ODF2: variants seen among roughly 807,000 people sequenced by gnomAD.
ODF2 encodes the protein outer dense fiber protein 2.
In ODF2, 47 loss-of-function variants were observed where a neutral mutation model predicts 110.2. That is an observed-to-expected ratio of 0.43 (90% CI 0.34 to 0.54). The LOEUF is 0.54. Ranked by LOEUF, ODF2 falls within the 20% of genes least tolerant of loss-of-function variation. The probability of loss-of-function intolerance (pLI) is 0.03; values close to 1 mark genes in which losing one functional copy is unlikely to be tolerated. For synonymous variants in ODF2, 352 were observed against 397.7 expected, an observed-to-expected ratio of 0.89 and a Z score of 1.37; for missense variants, 812 against 1,054.5, an observed-to-expected ratio of 0.77 and a Z score of 3.19.
At chr9:128,473,167 C>T (rs920820088) in intron 7 of ODF2, 125 bp downstream of exon 7, 9 of 1,482,106 alleles carry the variant, frequency 6.1e-6, no homozygotes, top group Middle Eastern at 4.9e-4. Context: ...GGGGAGAGCA[C>T]GCTTAACTAG....
chr9:128,477,647 C>T (rs1302685331), intron 8 of ODF2, among the ~76,000 whole-genome samples: 1 of 151,436 alleles, frequency 6.6e-6, no homozygotes, highest in Non-Finnish European at 1.5e-5. Flanking sequence ...GCTCTGTCAC[C>T]GAGGCTGGAG....
chr9:128,475,547 C>T (rs879550522), intron 8 of ODF2, among the ~76,000 whole-genome samples: 1 of 152,158 alleles, frequency 6.6e-6, no homozygotes, highest in African/African-American at 2.4e-5. Flanking sequence ...AACAATTTCT[C>T]CTTGTCTAAT....
chr9:128,485,355 G>A lies in ODF2; in HGVS notation c.1291-10G>A, dbSNP rs376849998. 1.5e-5 allele frequency: 22 copies of A among 1,516,712 alleles called. No individual in the cohort carries two copies. Among genetic ancestry groups the A allele is most frequent in the African/African-American group, 6.9e-5 (5 of 72,954 alleles). 94.0% of individuals were successfully genotyped at this position (1,516,712 alleles called of 1,614,324 possible). ...CTAGGCTAACAGGCCCTTTTGTCCCGTGTTCCCAGGATCTTTATGTCGCTG... is the reference window on the plus strand; with the variant it reads ...CTAGGCTAACAGGCCCTTTTGTCCCATGTTCCCAGGATCTTTATGTCGCTG... On this transcript the variant is annotated splice_polypyrimidine_tract_variant and intron_variant, in intron 12 of 20. Transcript: ENST00000604420. The surrounding 1 kb of genome is among the most constrained non-coding windows in gnomAD (Gnocchi z 5.0).
chr9:128,487,830 CACACAA>C, intron 13 of ODF2, 54 bp from the exon 14 acceptor site: 21 of 1,582,452 alleles, frequency 1.3e-5, no homozygotes, highest in Admixed American at 1.2e-4. Flanking sequence ...CACACACACA[CACACAA>C]ACAAACCTGT....
chr9:128,498,585 G>T lies in ODF2; in HGVS notation c.2175+10G>T. On this transcript the variant is annotated intron_variant, in intron 19 of 20. Coordinates refer to ENST00000604420, the Ensembl canonical transcript of ODF2. ...AGATGCGAGGAGGCAGGTCAGTCCC[G>T]ATTTCATGAATGACTAGCTCTGTGA... 1 of 1,445,982 alleles carries T rather than the reference G, an allele frequency of 6.9e-7. No homozygotes were observed. The highest frequency in any genetic ancestry group is 9.5e-7 in the Non-Finnish European group (1 of 1,048,024). 89.6% of individuals were successfully genotyped at this position (1,445,982 alleles called of 1,614,324 possible). A position where few individuals can be genotyped will look rare whatever the true frequency, so the allele number is the denominator to read the frequency against.
At chr9:128,470,018 AAT>A (rs769896764) in intron 5 of ODF2, among the ~76,000 whole-genome samples, 2,431 of 16,974 alleles carry the variant, frequency 0.14, 292 homozygotes, top group Middle Eastern at 0.19. Context: ...AAAAAAAAAA[AAT>A]ATATATATAT....
intron 5 of ODF2, among the ~76,000 whole-genome samples, chr9:128,470,051 A>G (rs1163687896): frequency 2.7e-5 from 3 of 111,476 alleles, no homozygotes; most frequent in Non-Finnish European, 5.5e-5. Context: ...ATATATAAAT[A>G]AAAAAATTAA....
rs1839122486 is a variant in ODF2, at chr9:128,469,354, G to A, written c.420+1G>A. The A allele has an allele frequency of 6.2e-7, 1 of 1,613,914 alleles. No individual in the cohort carries two copies. The highest frequency in any genetic ancestry group is 1.3e-5 in the African/African-American group (1 of 74,944). ...TGCGGTTGGTTGTCTGAAGTCTGAG[G>A]TGAGGGAGGTAGGGGGCTGGGATAG... On this transcript the variant is annotated splice_donor_variant, in intron 5 of 20. Transcript: ENST00000604420. LOFTEE classifies it high-confidence loss of function.
In ODF2 at chr9:128,485,584, C is replaced by T; in HGVS notation, c.1400+110C>T. The T allele has an allele frequency of 1.5e-6, 1 of 648,730 alleles. No individual in the cohort carries two copies. Among genetic ancestry groups the T allele is most frequent in the Non-Finnish European group, 2.8e-6 (1 of 355,444 alleles). The allele number at this position is 648,730 out of a possible 1,614,324, so 40.2% of individuals were successfully genotyped here. On this transcript the variant is annotated intron_variant, in intron 13 of 20. Transcript: ENST00000604420. This position sits in a 1 kb window ranked among gnomAD's most constrained non-coding sequence, Gnocchi z 5.0. ...GCCACGTGGCTGCTGTTTGTACTCT[C>T]CGGGTTGGGGGCTGCACTGGGCTGT...
In ODF2 at chr9:128,499,094, G is replaced by T. The variant is rs895208207; in HGVS notation, c.2269G>T (p.Glu757Ter). 1 of 1,614,106 alleles carries T rather than the reference G, an allele frequency of 6.2e-7. No homozygotes were observed. Among genetic ancestry groups the T allele is most frequent in the Non-Finnish European group, 8.5e-7 (1 of 1,179,944 alleles). The stretch of plus-strand genomic sequence containing the variant: ...GACCCAGCTGAGCAGAACCAAAACG[G>T]AATTGAGCCAGCTGCGGCGGAGCCG... The change falls in exon 20 of 21, where the codon GAA becomes TAA. Residue 757 changes from glutamate (E) to a stop codon, truncating the protein, a stop_gained. Coordinates refer to ENST00000604420, the Ensembl canonical transcript of ODF2. LOFTEE classifies it high-confidence loss of function.
chr9:128,459,833 G>T (rs1256908370), intron 3 of ODF2, among the ~76,000 whole-genome samples, 176 bp downstream of exon 2: 1 of 152,040 alleles, frequency 6.6e-6, no homozygotes, highest in Non-Finnish European at 1.5e-5. Flanking sequence ...TTTGCCTGTG[G>T]TGAGGCTGCC....
exon 21 of ODF2, chr9:128,500,129 C>T (rs1846307394): frequency 2.5e-6 from 4 of 1,614,282 alleles, no homozygotes; most frequent in Non-Finnish European, 3.4e-6. Flanking sequence ...AGTCCGAGAG[C>T]ACCAACCGCA....
At chr9:128,468,144 A>ATATC (rs1333105737) in intron 4 of ODF2, among the ~76,000 whole-genome samples, 1 of 152,148 alleles carries the variant, frequency 6.6e-6, no homozygotes, top group Non-Finnish European at 1.5e-5. Context: ...ATATCATACA[A>ATATC]TATCTGGTCC....
rs780526387 is a variant in ODF2 at position 128,459,561 on chromosome 9, G to A, written c.33-6G>A. ...CTTACAATCTGGTTCTTGTGCCTGG[G>A]TGCAGGTTTCCATCGTGTGGGAAGA... On this transcript the variant is annotated splice_region_variant and splice_polypyrimidine_tract_variant and intron_variant, in intron 2 of 20. Transcript: ENST00000604420. 2 of 1,612,766 alleles carry A rather than the reference G, an allele frequency of 1.2e-6. No homozygotes were observed. Among genetic ancestry groups the A allele is most frequent in the Non-Finnish European group, 1.7e-6 (2 of 1,179,244 alleles).
intron 8 of ODF2, among the ~76,000 whole-genome samples, chr9:128,474,778 G>A (rs1302353104): frequency 2.0e-5 from 3 of 151,912 alleles, no homozygotes; most frequent in Non-Finnish European, 4.4e-5. Context: ...CTTGGCCAAC[G>A]TGGTGAAACC....
At chr9:128,456,078 G>C, upstream of ODF2, 3 of 1,537,428 alleles carry the variant, frequency 2.0e-6, no homozygotes, top group Non-Finnish European at 2.6e-6. Context: ...TCCCGGGGGG[G>C]TTTGAACTGG....
chr9:128,470,736 C>T (rs181484604), intron 5 of ODF2, among the ~76,000 whole-genome samples: 324 of 152,138 alleles, frequency 2.1e-3, no homozygotes, highest in Admixed American at 5.4e-3. Flanking sequence ...AACCTGGCTT[C>T]GTTCCCAACC....
chr9:128,462,146 C>CTT (rs917703238), intron 4 of ODF2, among the ~76,000 whole-genome samples: 2 of 143,974 alleles, frequency 1.4e-5, no homozygotes, highest in East Asian at 2.0e-4. Flanking sequence ...ATCAATGAAT[C>CTT]TTTTTTTTTT....
chr9:128,473,095 A>G (rs1000174987), intron 7 of ODF2, 53 bp downstream of exon 7: 14 of 1,610,834 alleles, frequency 8.7e-6, no homozygotes, highest in Non-Finnish European at 1.2e-5. Flanking sequence ...GGGAGGGGGC[A>G]GCTGCAGGCT....
Sources: gnomAD v4.1 joint callset for allele counts (sites outside exome capture counted in the v4.1 genomes callset) on GRCh38, gnomAD v4.1.1 for gene constraint, Gnocchi (gnomAD v3.1) non-coding constraint, MANE v1.5 for transcripts, NCBI Gene and HGNC (gene_info 2026-07-23, HGNC 2026-07-21) for gene names.